BTBD9: variants seen among roughly 807,000 people sequenced by gnomAD.
BTBD9 encodes BTB/POZ domain-containing protein 9.
In BTBD9, 49 loss-of-function variants were observed where a neutral mutation model predicts 64.3. The ratio of observed to expected loss-of-function variants is 0.76; its 90% CI spans 0.61 to 0.97. The LOEUF (loss-of-function observed/expected upper bound fraction) is 0.97. BTBD9 is among the 50% of genes least tolerant of loss of function. The pLI is 0.00. For synonymous variants in BTBD9, 260 were observed against 274.7 expected (o/e 0.95, Z 0.53); for missense variants, 598 against 762.1 (o/e 0.78, Z 2.53).
At chr6:38,219,133 T>TC (rs1389022668) in intron 9 of BTBD9, among the ~76,000 whole-genome samples, 3 of 112,748 alleles carry the variant, frequency 2.7e-5, no homozygotes, top group African/African-American at 3.0e-5. Flanking sequence ...TCTTTTCTTT[T>TC]TTTTTTTTTT....
intron 4 of BTBD9, 98 bp from the exon 5 acceptor site, chr6:38,580,535 T>C: frequency 2.0e-6 from 2 of 1,019,010 alleles, no homozygotes; most frequent in Non-Finnish European, 2.9e-6. Context: ...TATTCTAGTA[T>C]CTGCATTTAA....
chr6:38,554,264 C>A (rs919859947), intron 6 of BTBD9, among the ~76,000 whole-genome samples: 1 of 152,182 alleles, frequency 6.6e-6, no homozygotes, highest in African/African-American at 2.4e-5. Context: ...CACACAGATG[C>A]TATAGACAGC....
At chr6:38,596,611 T>C (rs900701194) in intron 2 of BTBD9, among the ~76,000 whole-genome samples, 1 of 151,836 alleles carries the variant, frequency 6.6e-6, no homozygotes, top group Non-Finnish European at 1.5e-5. Flanking sequence ...CCATACTGGC[T>C]AACACGGTGA....
intron 9 of BTBD9, among the ~76,000 whole-genome samples, chr6:38,252,439 T>TA (rs1764434234): frequency 4.6e-5 from 7 of 152,148 alleles, no homozygotes; most frequent in Admixed American, 4.6e-4. Flanking sequence ...AAAAGGGAGG[T>TA]ACAATACATT....
intron 9 of BTBD9, among the ~76,000 whole-genome samples, chr6:38,254,028 T>G (rs1166304821): frequency 2.0e-5 from 3 of 148,484 alleles, no homozygotes; most frequent in Non-Finnish European, 4.5e-5. Context: ...GACTAGTTCA[T>G]CTCAGTGGCA....
At chr6:38,601,848 T>C (rs1777252679) in intron 1 of BTBD9, among the ~76,000 whole-genome samples, 1 of 152,068 alleles carries the variant, frequency 6.6e-6, no homozygotes, top group South Asian at 2.1e-4. Flanking sequence ...TTCACTAAAG[T>C]AACCACATAA....
intron 6 of BTBD9, among the ~76,000 whole-genome samples, chr6:38,451,671 T>C (rs1206681881): frequency 2.6e-5 from 4 of 152,182 alleles, no homozygotes; most frequent in African/African-American, 9.6e-5. Context: ...GTGCCATGTT[T>C]ACTACTGGTA....
chr6:38,592,549 T>C (rs563388911), intron 4 of BTBD9, 27 bp downstream of exon 4: 14 of 1,607,124 alleles, frequency 8.7e-6, no homozygotes, highest in Middle Eastern at 1.7e-4. Context: ...AGCTTCTTGG[T>C]TGAGTTTAGG....
chr6:38,429,507 C>T (rs1468548017), intron 6 of BTBD9, among the ~76,000 whole-genome samples: 1 of 151,422 alleles, frequency 6.6e-6, no homozygotes, highest in African/African-American at 2.4e-5. Context: ...TTTTACCACC[C>T]TATTGAGCAC....
At chr6:38,295,354 C>T (rs1405743001) in intron 7 of BTBD9, among the ~76,000 whole-genome samples, 1 of 151,628 alleles carries the variant, frequency 6.6e-6, no homozygotes, top group African/African-American at 2.4e-5. Flanking sequence ...TTTATAGAGA[C>T]GAGGTCCCAT....
At chr6:38,228,395 T>G (rs1044630421) in intron 9 of BTBD9, among the ~76,000 whole-genome samples, 1 of 140,950 alleles carries the variant, frequency 7.1e-6, no homozygotes, top group Non-Finnish European at 1.5e-5. Flanking sequence ...CTATGGACTT[T>G]CGGTATTATG....
At chr6:38,287,954 CCTATCTTGACA>C (rs1047939983) in intron 8 of BTBD9, among the ~76,000 whole-genome samples, 21 of 152,118 alleles carry the variant, frequency 1.4e-4, no homozygotes, top group Non-Finnish European at 2.8e-4. Context: ...TTCTATATAA[CCTATCTTGACA>C]TTATCCTATA....
intron 7 of BTBD9, among the ~76,000 whole-genome samples, chr6:38,302,676 T>G (rs2127564904): frequency 6.6e-6 from 1 of 151,964 alleles, no homozygotes; most frequent in Admixed American, 6.6e-5. Flanking sequence ...GTGGGATTGC[T>G]GAGTCATATG....
At chr6:38,303,924 T>C (rs1762519887) in intron 7 of BTBD9, among the ~76,000 whole-genome samples, 1 of 140,152 alleles carries the variant, frequency 7.1e-6, no homozygotes, top group South Asian at 2.3e-4. Flanking sequence ...TGTATATATA[T>C]ATATACACGT....
chr6:38,463,853 G>A (rs565356697), intron 6 of BTBD9, among the ~76,000 whole-genome samples: 156 of 152,198 alleles, frequency 1.0e-3, no homozygotes, highest in African/African-American at 3.5e-3. Context: ...CCAACATGGC[G>A]AAATCCCATC....
intron 6 of BTBD9, among the ~76,000 whole-genome samples, chr6:38,374,283 G>GTATATATATATATATATA (rs57568036): frequency 0.011 from 479 of 45,374 alleles, 41 homozygotes; most frequent in East Asian, 0.022. Flanking sequence ...AAAAAAAAAA[G>GTATATATATATATATATA]TATATATATA....
intron 9 of BTBD9, among the ~76,000 whole-genome samples, chr6:38,245,595 A>G (rs1344388516): frequency 5.3e-5 from 8 of 152,186 alleles, no homozygotes; most frequent in Admixed American, 3.3e-4. Flanking sequence ...TTCTTGATTC[A>G]GAGAGCAGCA....
At chr6:38,554,533 G>A (rs1774936720) in intron 6 of BTBD9, among the ~76,000 whole-genome samples, 1 of 152,130 alleles carries the variant, frequency 6.6e-6, no homozygotes, top group Admixed American at 6.5e-5. Context: ...ATGGCTTTAA[G>A]GTATACATTT....
intron 9 of BTBD9, among the ~76,000 whole-genome samples, chr6:38,222,974 T>G (rs1221635727): frequency 2.0e-5 from 3 of 152,224 alleles, no homozygotes; most frequent in African/African-American, 7.2e-5. Context: ...TGGTGCAATC[T>G]TGGCTCATTG....
Sources: allele counts gnomAD v4.1 joint callset (sites outside exome capture counted in the v4.1 genomes callset), GRCh38; gene constraint gnomAD v4.1.1; transcripts MANE v1.5; gene names NCBI Gene and HGNC (gene_info 2026-07-23, HGNC 2026-07-21).